Variants in MRPS27 observed in about 807,000 individuals in gnomAD.
MRPS27 encodes small ribosomal subunit protein mS27.
A neutral mutation model predicts 48.9 loss-of-function variants in MRPS27; 43 were observed. The observed-to-expected ratio is 0.88, with a 90% CI of 0.69 to 1.13. MRPS27 has a LOEUF of 1.13. Among genes scored for constraint, MRPS27 ranks in the 50% most tolerant of loss-of-function variants. MRPS27 has a pLI of 0.00. For synonymous variants in MRPS27, 188 were observed against 171.9 expected, an observed-to-expected ratio of 1.09 and a Z score of -0.73; for missense variants, 467 against 476.3, an observed-to-expected ratio of 0.98 and a Z score of 0.18.
intron 4 of MRPS27, chr5:72,295,257 T>C: frequency 4.0e-6 from 1 of 248,932 alleles, no homozygotes; most frequent in African/African-American, 2.2e-5. Flanking sequence ...AAAAATTACA[T>C]ACGTACAAGG....
rs956821495 is a variant in MRPS27, at chr5:72,284,202, C to T, written c.281+11329G>A. On this transcript the variant is annotated intron_variant, in intron 4 of 10. Coordinates refer to ENST00000261413, the MANE Select transcript of MRPS27 (RefSeq NM_015084.3). ...CCGAGGCAGGTGGATTGCTTGAGTC[C>T]AGGAGTTCAAGACCAGCCTGGGCAA... 6.6e-5 allele frequency among the ~76,000 whole-genome samples: 10 copies of T among 150,474 alleles called. No homozygotes were observed. In the East Asian group the frequency reaches 1.8e-3, roughly 26 times the overall value.
chr5:72,314,442 A>T (rs1388783536), intron 1 of MRPS27: 1 of 238,820 alleles, frequency 4.2e-6, no homozygotes, highest in African/African-American at 2.2e-5. Flanking sequence ...TGCAGTAGCT[A>T]TTCACAGGCA....
Position 72,238,171 on chromosome 5 carries a change from T to C in MRPS27, c.282-43A>G, listed in dbSNP as rs184764357. The C allele has an allele frequency of 3.0e-4, 408 of 1,353,284 alleles. No individual in the cohort carries two copies. In the African/African-American group the frequency reaches 5.4e-3, roughly 18 times the overall value. The allele number at this position is 1,353,284 out of a possible 1,614,324, so 83.8% of individuals were successfully genotyped here. ...GAGAGAAAACTGGTGTTAACTCTTA[T>C]ATGTTAAAACACATCTTCCATCGAT... On this transcript the variant is annotated intron_variant, in intron 4 of 10. Coordinates refer to ENST00000261413, the MANE Select transcript of MRPS27 (RefSeq NM_015084.3).
chr5:72,291,605 AAT>A (rs1749821971), intron 4 of MRPS27, among the ~76,000 whole-genome samples: 1 of 152,250 alleles, frequency 6.6e-6, no homozygotes, highest in South Asian at 2.1e-4. Flanking sequence ...AGATGCTGTT[AAT>A]ATTATAGTCA....
In MRPS27 at chr5:72,314,154, T is replaced by C; in HGVS notation, c.78A>G (p.Lys26=). The C allele has an allele frequency of 6.2e-7, 1 of 1,611,544 alleles. No individual in the cohort carries two copies. Among genetic ancestry groups the C allele is most frequent in the Middle Eastern group, 1.7e-4 (1 of 6,050 alleles). ...VVLPQLSPAG[K]RYLLSSAYVD... is the part of the protein sequence containing the mutation. The stretch of plus-strand genomic sequence containing the variant: ...CATAGGCTGAAGAAAGCAGGTATCT[T>C]TTACCTGAGAAAATAGGCAATTATT... Residue 26 remains lysine (K), a synonymous_variant, in exon 2 of 11, where the codon AAA becomes AAG. Coordinates refer to ENST00000261413, the MANE Select transcript of MRPS27 (RefSeq NM_015084.3).
intron 5 of MRPS27, among the ~76,000 whole-genome samples, chr5:72,235,634 C>T (rs1344777372): frequency 6.6e-6 from 1 of 152,090 alleles, no homozygotes; most frequent in Non-Finnish European, 1.5e-5. Context: ...ATGTACTTTC[C>T]ACTCAGTTTT....
In MRPS27 at chr5:72,259,924, C is replaced by T. The variant is rs562141097; in HGVS notation, c.282-21796G>A. The stretch of plus-strand genomic sequence containing the variant: ...AGTATTTCATTATGTTATTTATTTG[C>T]ATAATTTCTTTAGTAGTTAGGGTGG... On this transcript the variant is annotated intron_variant, in intron 4 of 10. Transcript: ENST00000261413. 1.2e-4 allele frequency among the ~76,000 whole-genome samples: 18 copies of T among 151,944 alleles called. No individual in the cohort carries two copies. In the South Asian group the frequency reaches 2.1e-3, roughly 18 times the overall value.
chr5:72,238,871 C>T lies in MRPS27; in HGVS notation c.282-743G>A, dbSNP rs535734625. 4.5e-4 allele frequency among the ~76,000 whole-genome samples: 69 copies of T among 152,220 alleles called. 1 individual carries two copies. The highest frequency in any genetic ancestry group is 9.0e-4 in the Non-Finnish European group (61 of 68,014). ...CAAATGCTGCTTTTTCCTTAGTTCA[C>T]GCACATTGCTAACACCTGGGATGGA... On this transcript the variant is annotated intron_variant, in intron 4 of 10. Coordinates refer to ENST00000261413, the MANE Select transcript of MRPS27 (RefSeq NM_015084.3).
intron 4 of MRPS27, among the ~76,000 whole-genome samples, chr5:72,244,935 T>C (rs1759957273): frequency 6.6e-6 from 1 of 152,218 alleles, no homozygotes; most frequent in African/African-American, 2.4e-5. Context: ...ATGAAGTCAG[T>C]TGTGTTCTTT....
chr5:72,296,689 C>T (rs762077693), intron 3 of MRPS27, among the ~76,000 whole-genome samples: 8 of 152,066 alleles, frequency 5.3e-5, no homozygotes, highest in African/African-American at 1.2e-4. Flanking sequence ...ATGTAACTTA[C>T]GAACAGTAAA....
chr5:72,304,930 CA>C (rs1454749906), intron 2 of MRPS27, among the ~76,000 whole-genome samples: 1 of 152,144 alleles, frequency 6.6e-6, no homozygotes, highest in African/African-American at 2.4e-5. Flanking sequence ...GAAACAGGTA[CA>C]GATTATTATT....
At chr5:72,249,130 A>G (rs1748588439) in intron 4 of MRPS27, among the ~76,000 whole-genome samples, 1 of 152,230 alleles carries the variant, frequency 6.6e-6, no homozygotes, top group Non-Finnish European at 1.5e-5. Flanking sequence ...TTAGGCAAAA[A>G]AGTAAGAAAG....
chr5:72,259,550 A>G (rs941239061), intron 4 of MRPS27, among the ~76,000 whole-genome samples: 3 of 152,170 alleles, frequency 2.0e-5, no homozygotes, highest in Non-Finnish European at 4.4e-5. Context: ...AATTGCAAGA[A>G]ACTATCTTTT....
rs57589095 is a variant in MRPS27 at position 72,242,665 on chromosome 5, T to TACACACACACACACACACAC, written c.282-4557_282-4538dup. On this transcript the variant is annotated intron_variant, in intron 4 of 10. Coordinates refer to ENST00000261413, the MANE Select transcript of MRPS27 (RefSeq NM_015084.3). ...CTAGGCAACACAGCGAGACCCCGTC[T>TACACACACACACACACACAC]ACACACACACACACACACACACACA... 3.5e-3 allele frequency among the ~76,000 whole-genome samples: 472 copies of TACACACACACACACACACAC among 134,278 alleles called. 7 individuals are homozygous for TACACACACACACACACACAC. The highest frequency in any genetic ancestry group is 0.01 in the African/African-American group (346 of 33,626). 88.1% of individuals were successfully genotyped at this position (134,278 alleles called of 152,430 possible). A position where few individuals can be genotyped will look rare whatever the true frequency, so the allele number is the denominator to read the frequency against.
At chr5:72,292,999 G>A (rs554800815) in intron 4 of MRPS27, among the ~76,000 whole-genome samples, 1 of 152,274 alleles carries the variant, frequency 6.6e-6, no homozygotes, top group South Asian at 2.1e-4. Context: ...GCATCATAAT[G>A]ATTGAAGGCC....
At chr5:72,261,792 C>T (rs895082248) in intron 4 of MRPS27, among the ~76,000 whole-genome samples, 4 of 152,106 alleles carry the variant, frequency 2.6e-5, no homozygotes, top group Admixed American at 6.5e-5. Flanking sequence ...TGCCCATTAC[C>T]CCACATTCCA....
At chr5:72,244,649 C>T (rs1414688656) in intron 4 of MRPS27, among the ~76,000 whole-genome samples, 1 of 151,922 alleles carries the variant, frequency 6.6e-6, no homozygotes, top group East Asian at 1.9e-4. Context: ...TATTCTTTAC[C>T]CACTGATCTA....
chr5:72,308,528 C>A (rs73761759), intron 2 of MRPS27, among the ~76,000 whole-genome samples: 1 of 152,140 alleles, frequency 6.6e-6, no homozygotes, highest in African/African-American at 2.4e-5. Context: ...TACCCGACAG[C>A]CCCGCGCCCA....
intron 10 of MRPS27, among the ~76,000 whole-genome samples, chr5:72,222,267 A>G (rs533808844): frequency 1.6e-4 from 25 of 152,240 alleles, no homozygotes; most frequent in Non-Finnish European, 2.8e-4. Context: ...TTGGGACACC[A>G]GAATGAGGAC....
Sources: allele counts gnomAD v4.1 joint callset (sites outside exome capture counted in the v4.1 genomes callset), GRCh38; gene constraint gnomAD v4.1.1; transcripts MANE v1.5; gene names NCBI Gene and HGNC (gene_info 2026-07-23, HGNC 2026-07-21).